PHACTR1: variants seen among roughly 807,000 people sequenced by gnomAD.
PHACTR1 encodes phosphatase and actin regulator 1, also known as RPEL repeat containing 1.
A neutral mutation model predicts 69.2 loss-of-function variants in PHACTR1; 16 were observed. The ratio of observed to expected loss-of-function variants is 0.23; its 90% CI spans 0.16 to 0.35. The LOEUF is 0.35. Among genes scored for constraint, PHACTR1 ranks in the 10% least tolerant of loss-of-function variants. The pLI, the probability that PHACTR1 is intolerant of heterozygous loss-of-function variation, is 1.00. For synonymous variants in PHACTR1, 312 were observed against 284.5 expected (o/e 1.10, Z -0.97); for missense variants, 510 against 734.7 (o/e 0.69, Z 3.54).
rs116211898 is a variant in PHACTR1, at chr6:13,221,153, C to T, written c.987-6663C>T. ...AAAATCTGAAGGGTGAGTTCTGGGG[C>T]GGAGCAACTGCAGGAGCAGAGGGAG... is the stretch of plus-strand genomic sequence containing the variant. On this transcript the variant is annotated intron_variant, in intron 8 of 14. Coordinates refer to ENST00000332995, the MANE Select transcript of PHACTR1 (RefSeq NM_030948.6). 3.0e-3 allele frequency among the ~76,000 whole-genome samples: 457 copies of T among 152,152 alleles called. 4 individuals carry two copies. The highest frequency in any genetic ancestry group is 0.01 in the African/African-American group (434 of 41,494).
intron 4 of PHACTR1, among the ~76,000 whole-genome samples, chr6:12,985,899 T>C (rs1381625315): frequency 6.6e-6 from 1 of 151,864 alleles, no homozygotes; most frequent in African/African-American, 2.4e-5. Context: ...GCAATGGCAC[T>C]ATCTCAGCCC....
At chr6:13,127,246 A>T (rs1397927816) in intron 5 of PHACTR1, among the ~76,000 whole-genome samples, 1 of 152,148 alleles carries the variant, frequency 6.6e-6, no homozygotes, top group Non-Finnish European at 1.5e-5. Context: ...CATCTTTCAC[A>T]TGGAAATTAT....
At chr6:13,080,868 G>GA (rs1170276179) in intron 5 of PHACTR1, among the ~76,000 whole-genome samples, 3 of 151,060 alleles carry the variant, frequency 2.0e-5, no homozygotes, top group African/African-American at 7.3e-5. Flanking sequence ...TTTCGTAAAA[G>GA]AAAAAAAAAG....
Position 12,888,153 on chromosome 6 carries a change from T to C in PHACTR1, c.250+138363T>C, listed in dbSNP as rs551073124. 8.7e-5 allele frequency among the ~76,000 whole-genome samples: 13 copies of C among 149,442 alleles called. No homozygotes were observed. In the Admixed American group the frequency reaches 8.7e-4, roughly 10 times the overall value. On this transcript the variant is annotated intron_variant, in intron 4 of 14. Transcript: ENST00000332995. ...GTCATGAGGGCTCTGCTTCCATAAATGGATTAGTGCCTTAGAATGGGGCTG... is the reference window on the plus strand; with the variant it reads ...GTCATGAGGGCTCTGCTTCCATAAACGGATTAGTGCCTTAGAATGGGGCTG...
At chr6:13,282,677 T>C (rs964540526) in intron 12 of PHACTR1, among the ~76,000 whole-genome samples, 3 of 152,110 alleles carry the variant, frequency 2.0e-5, no homozygotes, top group Non-Finnish European at 4.4e-5. Flanking sequence ...CTTTTTTGCA[T>C]CTAAAACCCA....
chr6:12,821,730 A>T (rs1193404193), intron 4 of PHACTR1, among the ~76,000 whole-genome samples: 1 of 152,158 alleles, frequency 6.6e-6, no homozygotes, highest in Non-Finnish European at 1.5e-5. Flanking sequence ...GGGCCAGGGT[A>T]TTGGGTTAAG....
intron 4 of PHACTR1, among the ~76,000 whole-genome samples, chr6:13,043,299 C>T (rs7769935): frequency 0.079 from 12,044 of 152,190 alleles, 1,558 homozygotes; most frequent in African/African-American, 0.27. Flanking sequence ...TGGTGGTGTG[C>T]ACCTGTAATC....
intron 8 of PHACTR1, among the ~76,000 whole-genome samples, chr6:13,215,188 G>C (rs989261437): frequency 1.3e-5 from 2 of 152,202 alleles, no homozygotes; most frequent in Admixed American, 1.3e-4. Context: ...TCTAGACCAG[G>C]CTCCGTGCTT....
intron 4 of PHACTR1, among the ~76,000 whole-genome samples, chr6:12,854,254 T>G (rs1224678390): frequency 6.6e-6 from 1 of 152,234 alleles, no homozygotes; most frequent in Non-Finnish European, 1.5e-5. Flanking sequence ...AGTACCCATT[T>G]CTCCAAAGAG....
At chr6:12,873,204 A>T (rs1221135283) in intron 4 of PHACTR1, among the ~76,000 whole-genome samples, 1 of 151,642 alleles carries the variant, frequency 6.6e-6, no homozygotes, top group Non-Finnish European at 1.5e-5. Context: ...TTTTGTAGAG[A>T]TAGGATCTTG....
intron 4 of PHACTR1, among the ~76,000 whole-genome samples, chr6:13,022,659 C>A (rs1801134530): frequency 1.4e-5 from 2 of 140,614 alleles, no homozygotes; most frequent in African/African-American, 6.3e-5. Context: ...TATTTATTCT[C>A]TGGCCTTAAA....
intron 5 of PHACTR1, among the ~76,000 whole-genome samples, chr6:13,077,664 G>T (rs1485406481): frequency 6.6e-6 from 1 of 152,156 alleles, no homozygotes; most frequent in East Asian, 1.9e-4. Flanking sequence ...GCTGGCCTTT[G>T]GGTGACTGAC....
chr6:13,131,879 A>G (rs1311692330), intron 5 of PHACTR1, among the ~76,000 whole-genome samples: 1 of 152,246 alleles, frequency 6.6e-6, no homozygotes, highest in African/African-American at 2.4e-5. Context: ...TAATGTAGAA[A>G]GGGAATTCAC....
intron 5 of PHACTR1, among the ~76,000 whole-genome samples, chr6:13,107,821 C>G (rs1579135): frequency 0.53 from 79,843 of 151,810 alleles, 23,124 homozygotes; most frequent in African/African-American, 0.77. Flanking sequence ...CAAAGACACA[C>G]CCTTTAGTTT....
intron 4 of PHACTR1, among the ~76,000 whole-genome samples, chr6:12,755,102 C>T (rs1017475577): frequency 6.6e-6 from 1 of 152,166 alleles, no homozygotes; most frequent in Non-Finnish European, 1.5e-5. Context: ...TTTTCTTAGA[C>T]TCTTTGGTCT....
At chr6:13,237,413 T>C (rs1772163161) in intron 10 of PHACTR1, among the ~76,000 whole-genome samples, 1 of 152,178 alleles carries the variant, frequency 6.6e-6, no homozygotes, top group African/African-American at 2.4e-5. Flanking sequence ...TATATATTTG[T>C]GGACTGAATT....
intron 10 of PHACTR1, among the ~76,000 whole-genome samples, chr6:13,260,862 G>A (rs1775812268): frequency 6.6e-6 from 1 of 152,206 alleles, no homozygotes; most frequent in Non-Finnish European, 1.5e-5. Flanking sequence ...CACTGGATTA[G>A]ACAATTGAAT....
intron 4 of PHACTR1, among the ~76,000 whole-genome samples, chr6:13,023,219 A>C (rs1238378634): frequency 6.6e-6 from 1 of 152,162 alleles, no homozygotes; most frequent in Non-Finnish European, 1.5e-5. Flanking sequence ...GTTTAAAATG[A>C]AAATCAGCCT....
chr6:12,922,548 G>C lies in PHACTR1; in HGVS notation c.251-130817G>C, dbSNP rs78262768. On this transcript the variant is annotated intron_variant, in intron 4 of 14. Coordinates refer to ENST00000332995, the MANE Select transcript of PHACTR1 (RefSeq NM_030948.6). Reference sequence around the variant, plus strand: ...AATATGCATGGAACAGCTAGATCGTGTTTAGAAGTCACATCCATAAACATG... The same window carrying C: ...AATATGCATGGAACAGCTAGATCGTCTTTAGAAGTCACATCCATAAACATG... 3.9e-5 allele frequency among the ~76,000 whole-genome samples: 6 copies of C among 152,182 alleles called. No homozygotes were observed. The East Asian group carries it at 1.2e-3, about 29-fold the overall frequency.
Sources: allele counts gnomAD v4.1 joint callset (sites outside exome capture counted in the v4.1 genomes callset), GRCh38; gene constraint gnomAD v4.1.1; transcripts MANE v1.5; gene names NCBI Gene and HGNC (gene_info 2026-07-23, HGNC 2026-07-21).